Variants in MYBPC1 observed in about 807,000 individuals in gnomAD.
The protein encoded by MYBPC1 is myosin-binding protein C, slow-type.
A neutral mutation model predicts 147.1 loss-of-function variants in MYBPC1; 52 were observed. The ratio of observed to expected loss-of-function variants is 0.35; its 90% CI spans 0.28 to 0.45. The LOEUF (loss-of-function observed/expected upper bound fraction) is 0.45. Ranked by LOEUF, MYBPC1 falls within the 20% of genes least tolerant of loss-of-function variation. The probability of loss-of-function intolerance (pLI) is 1.00; values close to 1 mark genes in which losing one functional copy is unlikely to be tolerated. For missense variants in MYBPC1, 1,228 were observed against 1,440.3 expected (o/e 0.85, Z 2.39); for synonymous variants, 477 against 475.9 (o/e 1.00, Z -0.03).
At chr12:101,631,250 A>C (rs1036829307) in intron 6 of MYBPC1, among the ~76,000 whole-genome samples, 9 of 152,220 alleles carry the variant, frequency 5.9e-5, no homozygotes, top group Admixed American at 2.0e-4. Flanking sequence ...AAAAGTTCAC[A>C]TATATCATAC....
chr12:101,615,118 C>T (rs1293129609), intron 2 of MYBPC1, among the ~76,000 whole-genome samples: 1 of 152,212 alleles, frequency 6.6e-6, no homozygotes, highest in Non-Finnish European at 1.5e-5. Flanking sequence ...TACAGAGATC[C>T]AGTGAGACCC....
At chr12:101,626,650 A>G (rs1157850463) in intron 3 of MYBPC1, among the ~76,000 whole-genome samples, 1 of 152,146 alleles carries the variant, frequency 6.6e-6, no homozygotes, top group African/African-American at 2.4e-5. Flanking sequence ...CTGTGCTTCC[A>G]TTTGGATTAC....
chr12:101,648,034 T>C lies in MYBPC1; in HGVS notation c.1091-11T>C. 6.3e-7 allele frequency: 1 copy of C among 1,592,464 alleles called. No homozygotes were observed. The highest frequency in any genetic ancestry group is 1.1e-5 in the South Asian group (1 of 90,660). ...ATTTAATGATTCTGATTTCCCCTTTTTGTATACTAGAGCCTCCAATTATGG... is the reference window on the plus strand; with the variant it reads ...ATTTAATGATTCTGATTTCCCCTTTCTGTATACTAGAGCCTCCAATTATGG... On this transcript the variant is annotated splice_polypyrimidine_tract_variant and intron_variant, in intron 13 of 31. Transcript: ENST00000361466.
intron 18 of MYBPC1, among the ~76,000 whole-genome samples, chr12:101,653,557 AAATG>A (rs1894965490): frequency 6.6e-6 from 1 of 152,348 alleles, no homozygotes; most frequent in African/African-American, 2.4e-5. Context: ...TTAAATAAAT[AAATG>A]AACAAAGTCA....
Position 101,678,084 on chromosome 12 carries a change from G to A in MYBPC1, c.3110-18G>A, listed in dbSNP as rs761421288. 1 of 1,608,502 alleles carries A rather than the reference G, an allele frequency of 6.2e-7. No individual in the cohort carries two copies. The highest frequency in any genetic ancestry group is 2.2e-5 in the East Asian group (1 of 44,838). On this transcript the variant is annotated intron_variant, in intron 27 of 31. Transcript: ENST00000361466. ...CAATTTACATAATTTTAACATATTT[G>A]TAATGCTTGTTTTTAAGGTAAAATC...
downstream of MYBPC1, among the ~76,000 whole-genome samples, chr12:101,689,427 G>A (rs1951388438): frequency 6.6e-6 from 1 of 152,116 alleles, no homozygotes. Flanking sequence ...TTAGTTTAAT[G>A]GTCAAACCCA....
At position 101,631,718 on chromosome 12, in the gene MYBPC1, G is replaced by C; in HGVS notation, c.437G>C (p.Arg146Pro). 6.2e-7 allele frequency: 1 copy of C among 1,614,052 alleles called. No individual in the cohort carries two copies. The highest frequency in any genetic ancestry group is 8.5e-7 in the Non-Finnish European group (1 of 1,180,038). ...AAGGAAACCTTTGAGAGGCACAGTC[G>C]GGTAAGGCCCTGAACTCCCAGGACA... ...QLKETFERHS[R>P]VYTFEMQIIK... is the part of the protein sequence containing the mutation. The change falls in exon 7 of 32, where the codon CGG becomes CCG. Residue 146 changes from arginine (R) to proline (P), a missense_variant and splice_region_variant. Arg to Pro is a moderately radical substitution (Grantham distance 103). Coordinates refer to ENST00000361466, the MANE Select transcript of MYBPC1 (RefSeq NM_002465.4).
intron 1 of MYBPC1, among the ~76,000 whole-genome samples, chr12:101,599,431 G>C (rs1376858912): frequency 6.6e-6 from 1 of 152,060 alleles, no homozygotes; most frequent in Non-Finnish European, 1.5e-5. Flanking sequence ...CCTGAATGTA[G>C]AGCAGCATTC....
intron 1 of MYBPC1, among the ~76,000 whole-genome samples, chr12:101,604,589 C>T (rs1869485192): frequency 6.6e-6 from 1 of 151,954 alleles, no homozygotes. Flanking sequence ...ATATATTACT[C>T]CTTGCTTTAA....
chr12:101,675,574 G>A, intron 26 of MYBPC1, 143 bp downstream of exon 26: 1 of 1,280,872 alleles, frequency 7.8e-7, no homozygotes. Flanking sequence ...GAAAAGACCT[G>A]TGGAGCCACA....
In MYBPC1 at chr12:101,677,227, T is replaced by C. The variant is rs753623161; in HGVS notation, c.2950-8T>C. ...TTTTCCTCCAGTTATTATTTTTTTT[T>C]CTTTTAGGAATGGTTTACTGTCATT... On this transcript the variant is annotated splice_polypyrimidine_tract_variant and splice_region_variant and intron_variant, in intron 26 of 31. Transcript: ENST00000361466. 2 of 1,611,888 alleles carry C rather than the reference T, an allele frequency of 1.2e-6. No individual in the cohort carries two copies. Among genetic ancestry groups the C allele is most frequent in the Admixed American group, 1.7e-5 (1 of 59,976 alleles).
chr12:101,689,152 A>G (rs1951386629), downstream of MYBPC1, among the ~76,000 whole-genome samples: 1 of 152,120 alleles, frequency 6.6e-6, no homozygotes, highest in Non-Finnish European at 1.5e-5. Flanking sequence ...GCTAGGATGG[A>G]GAACAGGACT....
At position 101,614,480 on chromosome 12, in the gene MYBPC1, C is replaced by T. The variant is rs752722522; in HGVS notation, c.26-16C>T. On this transcript the variant is annotated splice_polypyrimidine_tract_variant and intron_variant, in intron 1 of 31. Transcript: ENST00000361466. Reference sequence around the variant, plus strand: ...ATAAATGAGCCTGACATTTCCATGACTCTTTCCATTTCTAGAAAATGAAGT... The same window carrying T: ...ATAAATGAGCCTGACATTTCCATGATTCTTTCCATTTCTAGAAAATGAAGT... 1.9e-6 allele frequency: 3 copies of T among 1,613,712 alleles called. No homozygotes were observed. The highest frequency in any genetic ancestry group is 2.5e-6 in the Non-Finnish European group (3 of 1,179,902).
At chr12:101,606,671 A>G (rs754774338) in intron 1 of MYBPC1, among the ~76,000 whole-genome samples, 1 of 152,188 alleles carries the variant, frequency 6.6e-6, no homozygotes, top group Non-Finnish European at 1.5e-5. Flanking sequence ...CATAATGCCT[A>G]TAATGAATAG....
intron 1 of MYBPC1, among the ~76,000 whole-genome samples, chr12:101,606,466 ATTTT>A (rs34796532): frequency 7.1e-6 from 1 of 141,254 alleles, no homozygotes; most frequent in Non-Finnish European, 1.5e-5. Context: ...TCAATTTAGT[ATTTT>A]TTTTTTTTTT....
At chr12:101,635,494 C>G (rs1448245029) in intron 9 of MYBPC1, among the ~76,000 whole-genome samples, 1 of 152,098 alleles carries the variant, frequency 6.6e-6, no homozygotes, top group Non-Finnish European at 1.5e-5. Flanking sequence ...TTTAATATTA[C>G]TGGTATTAGG....
intron 22 of MYBPC1, among the ~76,000 whole-genome samples, chr12:101,665,933 A>G (rs1897329574): frequency 6.6e-6 from 1 of 152,194 alleles, no homozygotes; most frequent in Non-Finnish European, 1.5e-5. Flanking sequence ...AGGATATTCT[A>G]GTTGCCTGTC....
intron 18 of MYBPC1, 127 bp from the exon 19 acceptor site, chr12:101,659,545 C>A: frequency 1.0e-6 from 1 of 990,770 alleles, no homozygotes; most frequent in South Asian, 1.4e-5. Flanking sequence ...TATAGTCCAC[C>A]AAATACACTA....
rs770785373 is a variant in MYBPC1, at chr12:101,614,532, G to C, written c.61+1G>C. 1 of 1,613,586 alleles carries C rather than the reference G, an allele frequency of 6.2e-7. No homozygotes were observed. The highest frequency in any genetic ancestry group is 1.7e-5 in the Admixed American group (1 of 59,968). ...CCAGCCCCAGCCCCACCCCCGGAAG[G>C]TGAGTAAAAACACTCACTCACACAC... is the stretch of plus-strand genomic sequence containing the variant. On this transcript the variant is annotated splice_donor_variant, in intron 2 of 31. Coordinates refer to ENST00000361466, the MANE Select transcript of MYBPC1 (RefSeq NM_002465.4). LOFTEE classifies it high-confidence loss of function.
Sources: gnomAD v4.1 joint callset for allele counts (sites outside exome capture counted in the v4.1 genomes callset) on GRCh38, gnomAD v4.1.1 for gene constraint, MANE v1.5 for transcripts, NCBI Gene and HGNC (gene_info 2026-07-23, HGNC 2026-07-21) for gene names.